The following MYT1L variants were observed in gnomAD, a reference collection of about 807,000 sequenced individuals.
MYT1L encodes myelin transcription factor 1 like.
A neutral mutation model predicts 126.7 loss-of-function variants in MYT1L; 12 were observed. The ratio of observed to expected loss-of-function variants is 0.09; its 90% CI spans 0.06 to 0.15. The LOEUF is 0.15. Ranked by LOEUF, MYT1L falls within the 10% of genes least tolerant of loss-of-function variation. MYT1L has a pLI of 1.00. For synonymous variants in MYT1L, 541 were observed against 604.2 expected (o/e 0.90, Z 1.53); for missense variants, 979 against 1,585.2 (o/e 0.62, Z 6.49).
chr2:2,142,510 G>A (rs1444002178), intron 3 of MYT1L, among the ~76,000 whole-genome samples: 3 of 152,044 alleles, frequency 2.0e-5, no homozygotes, highest in Admixed American at 6.6e-5. Flanking sequence ...GGCGTGAAGC[G>A]TCAACTCCCT....
At chr2:2,231,293 T>C (rs1311087698) in intron 2 of MYT1L, among the ~76,000 whole-genome samples, 1 of 152,216 alleles carries the variant, frequency 6.6e-6, no homozygotes, top group Non-Finnish European at 1.5e-5. Context: ...ATTTTCCGTC[T>C]GTCTGTCTGT....
chr2:2,137,778 C>CG (rs202135816), intron 3 of MYT1L, among the ~76,000 whole-genome samples: 2,389 of 152,036 alleles, frequency 0.016, 62 homozygotes, highest in African/African-American at 0.051. Flanking sequence ...ACATAGGCAC[C>CG]GCAAGGACTT....
intron 21 of MYT1L, chr2:1,810,960 G>C (rs2036530383): frequency 6.6e-6 from 1 of 152,132 alleles, no homozygotes; most frequent in African/African-American, 2.4e-5. Flanking sequence ...ACCCCCACCG[G>C]GATGGTGTTA....
At chr2:1,950,645 G>T (rs1332653562) in intron 8 of MYT1L, among the ~76,000 whole-genome samples, 1 of 152,216 alleles carries the variant, frequency 6.6e-6, no homozygotes, top group Non-Finnish European at 1.5e-5. Context: ...ACAGAGAGAT[G>T]CAGAGAGACA....
At chr2:2,322,324 T>A (rs1299971532) in intron 1 of MYT1L, among the ~76,000 whole-genome samples, 1 of 151,954 alleles carries the variant, frequency 6.6e-6, no homozygotes, top group Non-Finnish European at 1.5e-5. Context: ...TGGACTAATA[T>A]CTTGGAATCA....
chr2:2,327,620 C>G (rs2096258355), intron 1 of MYT1L, among the ~76,000 whole-genome samples: 1 of 152,148 alleles, frequency 6.6e-6, no homozygotes, highest in Non-Finnish European at 1.5e-5. Context: ...ATTCATTTGC[C>G]TCCTGAACAG....
intron 9 of MYT1L, among the ~76,000 whole-genome samples, chr2:1,926,802 G>A (rs1308101175): frequency 6.6e-6 from 1 of 152,218 alleles, no homozygotes; most frequent in Non-Finnish European, 1.5e-5. Context: ...GCCTCCCAAA[G>A]TGCTGGGATT....
At chr2:2,001,237 C>CTTTTTTTTTTTTTTTTTTTTTTTTTTTTT (rs11389323) in intron 4 of MYT1L, among the ~76,000 whole-genome samples, 3 of 103,910 alleles carry the variant, frequency 2.9e-5, no homozygotes, top group South Asian at 3.3e-4. Context: ...TTGGTTTTAG[C>CTTTTTTTTTTTTTTTTTTTTTTTTTTTTT]TTTTTTTTTT....
chr2:2,190,574 A>AG (rs1559288274), intron 2 of MYT1L, among the ~76,000 whole-genome samples: 20 of 141,158 alleles, frequency 1.4e-4, no homozygotes. Flanking sequence ...AAAAAAAAAA[A>AG]AAAGAAGAAG....
At chr2:1,927,532 A>C (rs2054396055) in intron 9 of MYT1L, among the ~76,000 whole-genome samples, 1 of 152,160 alleles carries the variant, frequency 6.6e-6, no homozygotes, top group African/African-American at 2.4e-5. Flanking sequence ...TTGGCTTCTT[A>C]GTGTCTCTCC....
chr2:1,917,449 C>T lies in MYT1L; in HGVS notation c.1484-110G>A, dbSNP rs1338384419. ...CTAAAGAAAGAAATAAAGCAGGTGT[C>T]GGGGGCTAGGCTGTGACATCAGACT... On this transcript the variant is annotated intron_variant, in intron 10 of 24. Transcript: ENST00000647738. The surrounding 1 kb of genome is among the most constrained non-coding windows in gnomAD (Gnocchi z 5.9). 59 of 1,349,076 alleles carry T rather than the reference C, an allele frequency of 4.4e-5. No individual in the cohort carries two copies. Among genetic ancestry groups the T allele is most frequent in the Non-Finnish European group, 5.3e-5 (52 of 983,354 alleles). The allele number at this position is 1,349,076 out of a possible 1,614,324, so 83.6% of individuals were successfully genotyped here. A position where few individuals can be genotyped will look rare whatever the true frequency, so the allele number is the denominator to read the frequency against.
rs73913240 is a variant in MYT1L at position 2,180,381 on chromosome 2, A to C, written c.-420-7393T>G. On this transcript the variant is annotated intron_variant, in intron 2 of 24. Transcript: ENST00000647738. The stretch of plus-strand genomic sequence containing the variant: ...AGCTCTTAAAAAAAAAAAAAACAAC[A>C]ACCTGTATCAGGAAAGAAGACGAGA... 8.8e-3 allele frequency among the ~76,000 whole-genome samples: 1,333 copies of C among 152,080 alleles called. 20 individuals carry two copies. Among genetic ancestry groups the C allele is most frequent in the African/African-American group, 0.026 (1,092 of 41,450 alleles).
chr2:2,135,743 C>A (rs2082962944), intron 3 of MYT1L, among the ~76,000 whole-genome samples: 1 of 152,252 alleles, frequency 6.6e-6, no homozygotes, highest in Middle Eastern at 3.4e-3. Context: ...TGACAGCATG[C>A]CATCATCAAT....
At chr2:2,303,621 C>T (rs544107281) in intron 1 of MYT1L, 5 of 152,392 alleles carry the variant, frequency 3.3e-5, no homozygotes, top group Admixed American at 2.6e-4. Flanking sequence ...AGGCAGTTCT[C>T]AGCAGGCCCC....
At chr2:1,952,475 A>G (rs1055049673) in intron 8 of MYT1L, among the ~76,000 whole-genome samples, 26 of 152,032 alleles carry the variant, frequency 1.7e-4, no homozygotes, top group Non-Finnish European at 2.9e-5. Context: ...GGAGGCTCGC[A>G]TGCACGTTTT....
At chr2:1,980,291 T>C (rs6548051) in intron 5 of MYT1L, among the ~76,000 whole-genome samples, 2,537 of 146,796 alleles carry the variant, frequency 0.017, 75 homozygotes, top group African/African-American at 0.058. Context: ...ATACATTATA[T>C]ATAATATATA....
intron 4 of MYT1L, among the ~76,000 whole-genome samples, chr2:2,048,962 C>T (rs1558849875): frequency 6.6e-6 from 1 of 152,064 alleles, no homozygotes; most frequent in Non-Finnish European, 1.5e-5. Context: ...AAACTACAGT[C>T]CAGAAAAATA....
intron 18 of MYT1L, among the ~76,000 whole-genome samples, chr2:1,859,588 GT>G (rs1398474437): frequency 1.3e-5 from 2 of 152,210 alleles, no homozygotes; most frequent in African/African-American, 4.8e-5. Flanking sequence ...AGCATTATTA[GT>G]TGTATGATGC....
chr2:2,135,653 C>T lies in MYT1L; in HGVS notation c.-304+37219G>A, dbSNP rs77039209. 9.1e-4 allele frequency among the ~76,000 whole-genome samples: 138 copies of T among 152,154 alleles called. 1 individual carries two copies. The highest frequency in any genetic ancestry group is 2.9e-3 in the African/African-American group (119 of 41,500). On this transcript the variant is annotated intron_variant, in intron 3 of 24. Coordinates refer to ENST00000647738, the MANE Select transcript of MYT1L (RefSeq NM_001303052.2). ...AAGAGAGGAAGAAAGGCAGAGTGGACGGATGAAGAGAGAAATCAGTGGAAA... is the reference window on the plus strand; with the variant it reads ...AAGAGAGGAAGAAAGGCAGAGTGGATGGATGAAGAGAGAAATCAGTGGAAA...
Sources: gnomAD v4.1 joint callset for allele counts (sites outside exome capture counted in the v4.1 genomes callset) on GRCh38, gnomAD v4.1.1 for gene constraint, Gnocchi (gnomAD v3.1) non-coding constraint, MANE v1.5 for transcripts, NCBI Gene and HGNC (gene_info 2026-07-23, HGNC 2026-07-21) for gene names.